The following WIPF3 variants were observed in gnomAD, a reference collection of about 807,000 sequenced individuals.
The protein encoded by WIPF3 is WAS/WASL interacting protein family member 3.
In WIPF3, 33 loss-of-function variants were observed where a neutral mutation model predicts 38.9. The ratio of observed to expected loss-of-function variants is 0.85; its 90% CI spans 0.64 to 1.14. The LOEUF (loss-of-function observed/expected upper bound fraction) is 1.14. Among genes scored for constraint, WIPF3 ranks in the 50% most tolerant of loss-of-function variants. The pLI, the probability that WIPF3 is intolerant of heterozygous loss-of-function variation, is 0.00. For missense variants in WIPF3, 711 were observed against 652.5 expected (o/e 1.09, Z -0.98); for synonymous variants, 324 against 269.3 (o/e 1.20, Z -1.99).
intron 2 of WIPF3, among the ~76,000 whole-genome samples, chr7:29,836,519 G>A (rs759449920): frequency 5.3e-5 from 8 of 152,106 alleles, no homozygotes; most frequent in Non-Finnish European, 1.2e-4. Context: ...TTTTATTTTT[G>A]AGACTGATTT....
At chr7:29,849,293 A>G (rs754143864) in intron 2 of WIPF3, among the ~76,000 whole-genome samples, 4 of 152,156 alleles carry the variant, frequency 2.6e-5, no homozygotes, top group Non-Finnish European at 4.4e-5. Flanking sequence ...ATGTCAGAGA[A>G]GCTGTGGGAC....
At position 29,850,499 on chromosome 7, in the gene WIPF3, GCTGGAGGAGCACAGCAGGT is replaced by G. The variant is rs1465543460; in HGVS notation, c.90+15690_90+15708del. Among the ~76,000 whole-genome samples, 11 of 152,360 alleles carry G rather than the reference GCTGGAGGAGCACAGCAGGT, an allele frequency of 7.2e-5. No individual in the cohort carries two copies. In the East Asian group the frequency reaches 1.7e-3, roughly 24 times the overall value. On this transcript the variant is annotated intron_variant, in intron 2 of 8. Coordinates refer to ENST00000242140, the MANE Select transcript of WIPF3 (RefSeq NM_001080529.3). The stretch of plus-strand genomic sequence containing the variant: ...AGCCAAACTCCAGGGCCTCTCCCGA[GCTGGAGGAGCACAGCAGGT>G]CTGGTTCTTTGTGGTTACACAGGGC...
intron 1 of WIPF3, among the ~76,000 whole-genome samples, chr7:29,821,825 CA>C (rs1374422849): frequency 6.6e-6 from 1 of 152,156 alleles, no homozygotes; most frequent in Non-Finnish European, 1.5e-5. Flanking sequence ...CCATGGTACT[CA>C]GTGTGTTTTC....
intron 1 of WIPF3, among the ~76,000 whole-genome samples, chr7:29,827,990 G>A (rs1210734279): frequency 6.6e-6 from 1 of 152,030 alleles, no homozygotes. Flanking sequence ...GTAGAGATGG[G>A]ATTTTGCCAT....
intron 2 of WIPF3, among the ~76,000 whole-genome samples, chr7:29,852,987 C>T (rs191779549): frequency 4.6e-5 from 7 of 152,270 alleles, no homozygotes; most frequent in African/African-American, 1.7e-4. Context: ...CTTCATGAGA[C>T]AGGTAAGGTC....
chr7:29,865,928 G>A (rs1010755670), intron 2 of WIPF3, among the ~76,000 whole-genome samples: 1 of 152,200 alleles, frequency 6.6e-6, no homozygotes, highest in African/African-American at 2.4e-5. Flanking sequence ...GGAGGCCGAG[G>A]CAGGTGGATC....
chr7:29,885,281 A>G (rs1785850450), intron 5 of WIPF3, among the ~76,000 whole-genome samples: 3 of 152,206 alleles, frequency 2.0e-5, no homozygotes, highest in South Asian at 2.1e-4. Flanking sequence ...AGGAGGCTTC[A>G]TTCAGTTTTA....
intron 7 of WIPF3, among the ~76,000 whole-genome samples, chr7:29,896,352 T>G: frequency 6.6e-6 from 1 of 152,128 alleles, no homozygotes; most frequent in Non-Finnish European, 1.5e-5. Flanking sequence ...CAGTGGCTCA[T>G]GTCTCTAATC....
At chr7:29,875,130 G>A (rs1785563955) in intron 2 of WIPF3, among the ~76,000 whole-genome samples, 2 of 152,176 alleles carry the variant, frequency 1.3e-5, no homozygotes, top group Admixed American at 1.3e-4. Context: ...GTAATCTTCT[G>A]CATTCCCTTT....
At chr7:29,824,181 C>T (rs746388424) in intron 1 of WIPF3, among the ~76,000 whole-genome samples, 253 of 152,126 alleles carry the variant, frequency 1.7e-3, no homozygotes, top group Non-Finnish European at 2.5e-3. Flanking sequence ...GGTGGCCCAT[C>T]CCTGTGATCC....
At chr7:29,902,590 C>A (rs1447075622) in intron 7 of WIPF3, among the ~76,000 whole-genome samples, 10 of 152,244 alleles carry the variant, frequency 6.6e-5, no homozygotes, top group Admixed American at 4.6e-4. Flanking sequence ...ATAATCCCAG[C>A]ACTTTGGGAG....
chr7:29,889,517 C>A, intron 7 of WIPF3, 110 bp downstream of exon 7: 1 of 787,632 alleles, frequency 1.3e-6, no homozygotes, highest in Non-Finnish European at 2.2e-6. Context: ...CATGATTTCA[C>A]TGTACCACTG....
intron 1 of WIPF3, among the ~76,000 whole-genome samples, chr7:29,822,020 T>G (rs2128062883): frequency 6.6e-6 from 1 of 152,246 alleles, no homozygotes; most frequent in Non-Finnish European, 1.5e-5. Context: ...AATAATTGTA[T>G]GTCTTGTCAC....
At chr7:29,862,801 A>T (rs920307847) in intron 2 of WIPF3, among the ~76,000 whole-genome samples, 1 of 152,028 alleles carries the variant, frequency 6.6e-6, no homozygotes, top group African/African-American at 2.4e-5. Flanking sequence ...GCTTCCTTGA[A>T]TCATCCCTCT....
intron 2 of WIPF3, among the ~76,000 whole-genome samples, chr7:29,867,567 C>CTTT (rs57116279): frequency 6.6e-5 from 5 of 76,074 alleles, no homozygotes; most frequent in South Asian, 5.3e-4. Flanking sequence ...CACACCCCAG[C>CTTT]TTTTTTTTTT....
At chr7:29,860,793 A>T (rs1165082519) in intron 2 of WIPF3, among the ~76,000 whole-genome samples, 2 of 152,198 alleles carry the variant, frequency 1.3e-5, no homozygotes, top group Non-Finnish European at 2.9e-5. Context: ...GGCACGGTTG[A>T]TAGGTGGTAA....
chr7:29,807,541 C>A (rs562169563), intron 1 of WIPF3, among the ~76,000 whole-genome samples: 46 of 152,296 alleles, frequency 3.0e-4, no homozygotes, highest in African/African-American at 1.1e-3. Context: ...AGGAACAGCG[C>A]CTTTGGAGGG....
At chr7:29,852,903 C>CT (rs1785126302) in intron 2 of WIPF3, among the ~76,000 whole-genome samples, 1 of 152,228 alleles carries the variant, frequency 6.6e-6, no homozygotes, top group African/African-American at 2.4e-5. Context: ...TAGTAATCCT[C>CT]TAACATTTTG....
chr7:29,835,486 G>A (rs1784786047), intron 2 of WIPF3, among the ~76,000 whole-genome samples: 1 of 152,108 alleles, frequency 6.6e-6, no homozygotes, highest in South Asian at 2.1e-4. Context: ...ATTGTAGGAT[G>A]TTTAGCAACA....
Sources: allele counts gnomAD v4.1 joint callset (sites outside exome capture counted in the v4.1 genomes callset), GRCh38; gene constraint gnomAD v4.1.1; transcripts MANE v1.5; gene names NCBI Gene and HGNC (gene_info 2026-07-23, HGNC 2026-07-21).